The following FBXL7 variants were observed in gnomAD, a reference collection of about 807,000 sequenced individuals.
FBXL7 encodes F-box/LRR-repeat protein 7.
FBXL7 carries 12 observed loss-of-function variants against 38.3 expected under a neutral mutation model. That is an observed-to-expected ratio of 0.31 (90% CI 0.20 to 0.51). The LOEUF is 0.51. Ranked by LOEUF, FBXL7 falls within the 20% of genes least tolerant of loss-of-function variation. The pLI, the probability that FBXL7 is intolerant of heterozygous loss-of-function variation, is 0.98. For synonymous variants in FBXL7, 297 were observed against 300.9 expected, an observed-to-expected ratio of 0.99 and a Z score of 0.13; for missense variants, 567 against 676.4, an observed-to-expected ratio of 0.84 and a Z score of 1.79.
intron 2 of FBXL7, among the ~76,000 whole-genome samples, chr5:15,848,132 T>C (rs1245012785): frequency 4.6e-5 from 7 of 152,218 alleles, no homozygotes; most frequent in Non-Finnish European, 7.3e-5. Context: ...ATCCAGCAGT[T>C]GTACTGCTAG....
intron 2 of FBXL7, among the ~76,000 whole-genome samples, chr5:15,679,902 A>T (rs1742790102): frequency 1.3e-5 from 2 of 152,322 alleles, no homozygotes; most frequent in South Asian, 4.1e-4. Context: ...AGACATTTGT[A>T]CCATTTATGG....
intron 1 of FBXL7, among the ~76,000 whole-genome samples, chr5:15,556,186 G>A (rs1393463516): frequency 6.6e-6 from 1 of 151,996 alleles, no homozygotes; most frequent in African/African-American, 2.4e-5. Context: ...TGGAGGCTGG[G>A]AAGTCTCACA....
At chr5:15,568,841 T>C (rs1287200280) in intron 1 of FBXL7, among the ~76,000 whole-genome samples, 2 of 152,168 alleles carry the variant, frequency 1.3e-5, no homozygotes, top group East Asian at 3.8e-4. Flanking sequence ...ATTTATTAAA[T>C]AGGGAATCCT....
At position 15,928,664 on chromosome 5, in the gene FBXL7, A is replaced by T. The variant is rs1191647619; in HGVS notation, c.739+163A>T. 2.0e-5 allele frequency among the ~76,000 whole-genome samples: 3 copies of T among 151,840 alleles called. No homozygotes were observed. Among genetic ancestry groups the T allele is most frequent in the Non-Finnish European group, 4.4e-5 (3 of 67,978 alleles). ...GCAGAGAAACTGTCTCTATGGAATCATGACCCTGGAGGCCACAAGTTTCCC... is the reference window on the plus strand; with the variant it reads ...GCAGAGAAACTGTCTCTATGGAATCTTGACCCTGGAGGCCACAAGTTTCCC... On this transcript the variant is annotated intron_variant, in intron 3 of 3. Transcript: ENST00000504595. The surrounding 1 kb of genome is among the most constrained non-coding windows in gnomAD (Gnocchi z 4.0).
chr5:15,644,621 A>G (rs1360148637), intron 2 of FBXL7, among the ~76,000 whole-genome samples: 1 of 152,170 alleles, frequency 6.6e-6, no homozygotes, highest in Non-Finnish European at 1.5e-5. Flanking sequence ...ACACTCCTTC[A>G]GTCTCAAGAT....
At chr5:15,878,085 A>G (rs980590082) in intron 2 of FBXL7, among the ~76,000 whole-genome samples, 1 of 152,222 alleles carries the variant, frequency 6.6e-6, no homozygotes, top group Non-Finnish European at 1.5e-5. Context: ...GTGCTGCACT[A>G]TGAGGACAAC....
At chr5:15,810,561 CAA>C (rs35254262) in intron 2 of FBXL7, among the ~76,000 whole-genome samples, 1 of 135,684 alleles carries the variant, frequency 7.4e-6, no homozygotes, top group Non-Finnish European at 1.6e-5. Flanking sequence ...AACTCCGTCT[CAA>C]AAAAAAAAAA....
intron 1 of FBXL7, among the ~76,000 whole-genome samples, chr5:15,548,454 G>C (rs901289374): frequency 1.3e-5 from 2 of 152,168 alleles, no homozygotes; most frequent in African/African-American, 4.8e-5. Context: ...GTAGTAAGGA[G>C]GTGCTCTCAG....
At chr5:15,594,814 A>G (rs1739578311) in intron 1 of FBXL7, among the ~76,000 whole-genome samples, 1 of 152,236 alleles carries the variant, frequency 6.6e-6, no homozygotes, top group South Asian at 2.1e-4. Context: ...TGCATGTTGC[A>G]GAAGTTCCTG....
chr5:15,621,541 A>T (rs1390125685), intron 2 of FBXL7, among the ~76,000 whole-genome samples: 1 of 152,184 alleles, frequency 6.6e-6, no homozygotes, highest in Non-Finnish European at 1.5e-5. Flanking sequence ...GTTGAGTAGA[A>T]TCAGTTGGAT....
intron 2 of FBXL7, among the ~76,000 whole-genome samples, chr5:15,773,058 A>AT (rs565826322): frequency 2.6e-5 from 4 of 151,810 alleles, no homozygotes; most frequent in Non-Finnish European, 5.9e-5. Context: ...CACCTGGCTA[A>AT]TTTTTTTTAA....
At chr5:15,922,804 A>T (rs1741777519) in intron 2 of FBXL7, among the ~76,000 whole-genome samples, 1 of 152,180 alleles carries the variant, frequency 6.6e-6, no homozygotes, top group Admixed American at 6.6e-5. Context: ...TGTATATAAA[A>T]ATGTAAAATA....
chr5:15,793,662 G>A (rs1010346336), intron 2 of FBXL7, among the ~76,000 whole-genome samples: 6 of 152,168 alleles, frequency 3.9e-5, no homozygotes, highest in Admixed American at 2.0e-4. Context: ...GGAGTTTAGT[G>A]CACTGTATAG....
chr5:15,533,086 A>G (rs1737476177), intron 1 of FBXL7, among the ~76,000 whole-genome samples: 1 of 152,200 alleles, frequency 6.6e-6, no homozygotes, highest in Admixed American at 6.5e-5. Flanking sequence ...GGGGATATCC[A>G]GTGGACATTG....
chr5:15,740,087 G>A (rs1200902738), intron 2 of FBXL7, among the ~76,000 whole-genome samples: 1 of 152,192 alleles, frequency 6.6e-6, no homozygotes, highest in Admixed American at 6.5e-5. Context: ...CTTAGTGGGT[G>A]TAAAGTGGTA....
At chr5:15,901,180 T>C (rs1435471384) in intron 2 of FBXL7, among the ~76,000 whole-genome samples, 3 of 152,208 alleles carry the variant, frequency 2.0e-5, no homozygotes, top group Non-Finnish European at 4.4e-5. Context: ...ACAGACTAGA[T>C]GGCTTATAAA....
intron 2 of FBXL7, among the ~76,000 whole-genome samples, chr5:15,841,294 C>T (rs1045984050): frequency 1.3e-5 from 2 of 151,764 alleles, no homozygotes; most frequent in African/African-American, 4.8e-5. Context: ...CCAAAGTTTC[C>T]CTATTAAATT....
intron 2 of FBXL7, among the ~76,000 whole-genome samples, chr5:15,734,200 A>T (rs1274458932): frequency 6.6e-6 from 1 of 151,438 alleles, no homozygotes; most frequent in African/African-American, 2.4e-5. Context: ...CTGAGCACAC[A>T]GCTTTCCACA....
At chr5:15,931,885 A>G (rs1220152894) in intron 3 of FBXL7, among the ~76,000 whole-genome samples, 1 of 152,092 alleles carries the variant, frequency 6.6e-6, no homozygotes, top group African/African-American at 2.4e-5. Flanking sequence ...CATCCCCTGA[A>G]TGTAGCCTTC....
Sources: gnomAD v4.1 joint callset for allele counts (sites outside exome capture counted in the v4.1 genomes callset) on GRCh38, gnomAD v4.1.1 for gene constraint, Gnocchi (gnomAD v3.1) non-coding constraint, MANE v1.5 for transcripts, NCBI Gene and HGNC (gene_info 2026-07-23, HGNC 2026-07-21) for gene names.